ESPNL: variants seen among roughly 807,000 people sequenced by gnomAD.
The protein encoded by ESPNL is espin-like protein.
A neutral mutation model predicts 46.8 loss-of-function variants in ESPNL; 49 were observed. That is an observed-to-expected ratio of 1.05 (90% confidence interval 0.83 to 1.33). ESPNL has a LOEUF of 1.33. Ranked by LOEUF, ESPNL falls within the 40% of genes most tolerant of loss-of-function variation. The pLI, the probability that ESPNL is intolerant of heterozygous loss-of-function variation, is 0.00. For missense variants in ESPNL, 1,540 were observed against 1,436.6 expected (o/e 1.07, Z -1.16); for synonymous variants, 664 against 662.1 (o/e 1.00, Z -0.04).
intron 3 of ESPNL, among the ~76,000 whole-genome samples, chr2:238,105,095 C>T (rs894395005): frequency 6.6e-6 from 1 of 152,132 alleles, no homozygotes; most frequent in African/African-American, 2.4e-5. Context: ...CTCCTAGTCC[C>T]TCTCTCCCTG....
chr2:238,130,092 GGCTCACCCT>G (rs776731992), intron 8 of ESPNL, 27 bp from the exon 9 acceptor site: 18 of 1,582,602 alleles, frequency 1.1e-5, no homozygotes, highest in Admixed American at 1.7e-5. Context: ...TGGGTGGGTG[GGCTCACCCT>G]GCTCACCCTG....
chr2:238,125,455 G>C, intron 6 of ESPNL, 71 bp downstream of exon 6: 1 of 926,780 alleles, frequency 1.1e-6, no homozygotes, highest in Non-Finnish European at 1.5e-6. Context: ...CCTCCCCTCC[G>C]AGGTCCTGGA....
intron 4 of ESPNL, among the ~76,000 whole-genome samples, chr2:238,115,560 C>G (rs1029345196): frequency 5.3e-5 from 8 of 152,256 alleles, no homozygotes; most frequent in Admixed American, 4.6e-4. Context: ...GCATGGCACA[C>G]CCGCCGCTCC....
chr2:238,120,903 C>T (rs1691973339), intron 5 of ESPNL, among the ~76,000 whole-genome samples: 2 of 152,258 alleles, frequency 1.3e-5, no homozygotes, highest in South Asian at 4.1e-4. Context: ...GTGGTGAAAT[C>T]CATCATCTTC....
intron 5 of ESPNL, among the ~76,000 whole-genome samples, chr2:238,118,150 G>GA (rs1691858321): frequency 6.8e-6 from 1 of 147,430 alleles, no homozygotes; most frequent in African/African-American, 2.6e-5. Flanking sequence ...GATGGAGGAG[G>GA]GTGGATGGAG....
chr2:238,119,594 A>ATGGAGGAGGTGGG (rs1691941117), intron 5 of ESPNL, among the ~76,000 whole-genome samples: 5 of 150,224 alleles, frequency 3.3e-5, no homozygotes, highest in African/African-American at 1.2e-4. Context: ...GAGGAGGTGG[A>ATGGAGGAGGTGGG]TGGAGGAGGG....
intron 6 of ESPNL, among the ~76,000 whole-genome samples, chr2:238,126,414 GTGTT>G (rs1357882149): frequency 6.6e-6 from 1 of 151,018 alleles, no homozygotes; most frequent in Non-Finnish European, 1.5e-5. Flanking sequence ...CTGTGTATGT[GTGTT>G]TGTGTTTGTG....
chr2:238,130,427 T>C lies in ESPNL; in HGVS notation c.1713T>C (p.Ala571=), dbSNP rs1405548425. ...TTGAGGAGGCCTCAATCCCAGCGGC[T>C]GAGCCCGCAGGGTCTGCGGAGGCCT... The part of the protein sequence containing the change: ...LEVEEASIPA[A]EPAGSAEASE... The change falls in exon 9 of 9, where the codon GCT becomes GCC. Residue 571 remains alanine (A), a synonymous_variant. Transcript: ENST00000343063. The C allele has an allele frequency of 6.2e-7, 1 of 1,607,636 alleles. No individual in the cohort carries two copies. The highest frequency in any genetic ancestry group is 1.7e-5 in the Admixed American group (1 of 59,388).
intron 7 of ESPNL, among the ~76,000 whole-genome samples, chr2:238,127,952 C>T (rs1692178513): frequency 6.6e-6 from 1 of 152,218 alleles, no homozygotes; most frequent in South Asian, 2.1e-4. Flanking sequence ...ACCACAGAAA[C>T]ACGGGGACCC....
chr2:238,111,832 T>C (rs1691723225), intron 4 of ESPNL, among the ~76,000 whole-genome samples: 1 of 152,230 alleles, frequency 6.6e-6, no homozygotes, highest in South Asian at 2.1e-4. Context: ...CCTGATTACT[T>C]TAAAATGTTA....
chr2:238,124,674 T>C (rs1417050550), intron 5 of ESPNL, among the ~76,000 whole-genome samples: 23 of 138,146 alleles, frequency 1.7e-4, no homozygotes, highest in African/African-American at 6.1e-4. Context: ...AGTGTACATG[T>C]GTGTGTGTGC....
intron 4 of ESPNL, among the ~76,000 whole-genome samples, chr2:238,113,805 G>C (rs375706962): frequency 4.6e-5 from 7 of 152,130 alleles, no homozygotes; most frequent in African/African-American, 1.7e-4. Flanking sequence ...GAACCCGCAC[G>C]GTTCCTGGCC....
intron 3 of ESPNL, among the ~76,000 whole-genome samples, chr2:238,105,094 CCT>C (rs1319797526): frequency 1.3e-5 from 2 of 152,144 alleles, no homozygotes; most frequent in Non-Finnish European, 2.9e-5. Context: ...TCTCCTAGTC[CCT>C]CTCTCCCTGG....
intron 3 of ESPNL, among the ~76,000 whole-genome samples, chr2:238,106,977 C>T (rs773256632): frequency 2.3e-4 from 35 of 152,224 alleles, no homozygotes; most frequent in African/African-American, 5.3e-4. Flanking sequence ...CCGAAGGCGA[C>T]GGGCTGCTGG....
intron 5 of ESPNL, among the ~76,000 whole-genome samples, chr2:238,124,243 G>A (rs554357725): frequency 2.3e-4 from 35 of 152,330 alleles, no homozygotes; most frequent in Admixed American, 2.1e-3. Flanking sequence ...TGATGGCCAC[G>A]TCTGGCTTCC....
intron 4 of ESPNL, among the ~76,000 whole-genome samples, chr2:238,109,531 T>A (rs1354595575): frequency 6.6e-6 from 1 of 152,156 alleles, no homozygotes; most frequent in East Asian, 1.9e-4. Context: ...TTTAAAAAAA[T>A]TTTGTAGAGA....
chr2:238,100,720 G>C lies in ESPNL; in HGVS notation c.294+7G>C. On this transcript the variant is annotated splice_region_variant and intron_variant, in intron 1 of 8. Transcript: ENST00000343063. ...GGGGGGCTGCGGTCTGCAGGTGAGC[G>C]GGGATGGGGCAGCCTGGCTCCACGA... The C allele has an allele frequency of 1.4e-6, 2 of 1,412,302 alleles. No individual in the cohort carries two copies. The highest frequency in any genetic ancestry group is 1.6e-5 in the South Asian group (1 of 64,264). 87.5% of individuals were successfully genotyped at this position (1,412,302 alleles called of 1,614,324 possible). A position where few individuals can be genotyped will look rare whatever the true frequency, so the allele number is the denominator to read the frequency against.
At chr2:238,104,931 A>G in intron 3 of ESPNL, 89 bp downstream of exon 3, 3 of 1,199,002 alleles carry the variant, frequency 2.5e-6, no homozygotes, top group Non-Finnish European at 3.3e-6. Context: ...GGGGCTCCAG[A>G]GGGAACTGGG....
At chr2:238,128,549 G>A (rs1213908360) in intron 7 of ESPNL, among the ~76,000 whole-genome samples, 158 bp from the exon 8 acceptor site, 2 of 152,174 alleles carry the variant, frequency 1.3e-5, no homozygotes, top group Admixed American at 6.5e-5. Flanking sequence ...TGGGGATGAG[G>A]GGGTGGGGTG....
Sources: allele counts gnomAD v4.1 joint callset (sites outside exome capture counted in the v4.1 genomes callset), GRCh38; gene constraint gnomAD v4.1.1; transcripts MANE v1.5; gene names NCBI Gene and HGNC (gene_info 2026-07-23, HGNC 2026-07-21).